The following ZFHX3 variants were observed in gnomAD, a reference collection of about 807,000 sequenced individuals.
The protein encoded by ZFHX3 is zinc finger homeobox 3, also known as zinc finger homeobox protein 3.
In ZFHX3, 42 loss-of-function variants were observed where a neutral mutation model predicts 279.1. The ratio of observed to expected loss-of-function variants is 0.15; its 90% CI spans 0.12 to 0.19. The LOEUF is 0.19. Among genes scored for constraint, ZFHX3 ranks in the 10% least tolerant of loss-of-function variants. ZFHX3 has a pLI of 1.00. For synonymous variants in ZFHX3, 2,293 were observed against 1,957.8 expected (o/e 1.17, Z -4.52); for missense variants, 4,981 against 4,754.0 (o/e 1.05, Z -1.40).
intron 1 of ZFHX3, among the ~76,000 whole-genome samples, chr16:73,019,908 C>T (rs1270718693): frequency 6.6e-6 from 1 of 152,178 alleles, no homozygotes; most frequent in Non-Finnish European, 1.5e-5. Flanking sequence ...TGGGCATAAA[C>T]ACGTTTTTAA....
At chr16:73,871,351 A>G in intron 1 of ZFHX3, among the ~76,000 whole-genome samples, 1 of 152,186 alleles carries the variant, frequency 6.6e-6, no homozygotes, top group African/African-American at 2.4e-5. Flanking sequence ...CCGCAAGAAA[A>G]CTTTAATAAC....
intron 4 of ZFHX3, among the ~76,000 whole-genome samples, chr16:72,877,750 G>C (rs746386995): frequency 6.6e-6 from 1 of 152,198 alleles, no homozygotes; most frequent in Non-Finnish European, 1.5e-5. Flanking sequence ...AAGCACGTGC[G>C]TGGATTCTTC....
rs768406499 is a variant in ZFHX3, at chr16:72,788,177, A to AC, written c.10098_10099insG (p.Tyr3367ValfsTer64). ...ATTGCCTCCTGCAGACTCTGCTGGT[A>AC]TTGCTGGTACTGCTGCAGTAGGGAG... On this transcript the variant is annotated frameshift_variant, in exon 10 of 10. Coordinates refer to ENST00000268489, the MANE Select transcript of ZFHX3 (RefSeq NM_006885.4). LOFTEE classifies it high-confidence loss of function. 4 of 1,612,022 alleles carry AC rather than the reference A, an allele frequency of 2.5e-6. No homozygotes were observed. The South Asian group carries it at 4.4e-5, about 18-fold the overall frequency.
chr16:73,410,499 G>T (rs902171549), intron 3 of ZFHX3, among the ~76,000 whole-genome samples: 3 of 152,214 alleles, frequency 2.0e-5, no homozygotes, highest in African/African-American at 7.2e-5. Context: ...AATGCATGAG[G>T]TGATGGGTAC....
intron 1 of ZFHX3, among the ~76,000 whole-genome samples, chr16:73,780,773 C>T (rs1189213359): frequency 6.6e-6 from 1 of 152,182 alleles, no homozygotes; most frequent in African/African-American, 2.4e-5. Flanking sequence ...GCAGACTCAT[C>T]ATTCTCTGTT....
chr16:72,896,516 C>CA (rs1653111890), intron 3 of ZFHX3, among the ~76,000 whole-genome samples: 2 of 152,192 alleles, frequency 1.3e-5, no homozygotes, highest in Admixed American at 1.3e-4. Context: ...AGGGAGACAA[C>CA]AGAGGCTCCG....
chr16:73,490,653 T>C (rs1300965639), intron 2 of ZFHX3, among the ~76,000 whole-genome samples: 1 of 151,878 alleles, frequency 6.6e-6, no homozygotes, highest in African/African-American at 2.4e-5. Flanking sequence ...GCCTGGGAAA[T>C]ATGGAAAAGC....
intron 1 of ZFHX3, among the ~76,000 whole-genome samples, chr16:73,695,263 G>T (rs1316860867): frequency 6.7e-6 from 1 of 149,612 alleles, no homozygotes; most frequent in Non-Finnish European, 1.5e-5. Context: ...TTGAGATGGG[G>T]TCTTCCTCTG....
At chr16:73,703,865 T>C (rs7200284) in intron 1 of ZFHX3, among the ~76,000 whole-genome samples, 1 of 152,022 alleles carries the variant, frequency 6.6e-6, no homozygotes, top group Non-Finnish European at 1.5e-5. Context: ...CCTGCTGAGT[T>C]TGTTAAAAGT....
intron 7 of ZFHX3, chr16:72,806,047 T>C (rs1019128678): frequency 1.3e-5 from 2 of 152,192 alleles, no homozygotes; most frequent in African/African-American, 4.8e-5. Context: ...ACACCACCAC[T>C]CTCAGCAATT....
chr16:73,670,037 C>T (rs923934191), intron 2 of ZFHX3, among the ~76,000 whole-genome samples: 3 of 152,078 alleles, frequency 2.0e-5, no homozygotes, highest in Admixed American at 6.6e-5. Context: ...GCAGCGACAC[C>T]AGGAAGGATA....
At chr16:72,854,934 T>TG (rs1407142094) in intron 4 of ZFHX3, among the ~76,000 whole-genome samples, 74 of 6,990 alleles carry the variant, frequency 0.011, no homozygotes, top group Non-Finnish European at 0.015. Flanking sequence ...CACAAATTGG[T>TG]GGGTGGGGGG....
intron 1 of ZFHX3, among the ~76,000 whole-genome samples, chr16:72,964,683 AG>A (rs1164359941): frequency 7.0e-6 from 1 of 141,932 alleles, no homozygotes; most frequent in Non-Finnish European, 1.5e-5. Flanking sequence ...AAAAAAAAAA[AG>A]GAAAAAAATT....
chr16:73,656,539 A>G (rs2052722668), intron 2 of ZFHX3, among the ~76,000 whole-genome samples: 1 of 152,208 alleles, frequency 6.6e-6, no homozygotes. Flanking sequence ...GGAGCTAACA[A>G]TGACATTCCT....
At chr16:73,552,691 A>G (rs1596994159) in intron 2 of ZFHX3, among the ~76,000 whole-genome samples, 1 of 151,664 alleles carries the variant, frequency 6.6e-6, no homozygotes. Context: ...CTCAGAGGAC[A>G]TGAGTGTAAA....
At chr16:72,939,754 G>A (rs971351319) in intron 3 of ZFHX3, among the ~76,000 whole-genome samples, 4 of 152,176 alleles carry the variant, frequency 2.6e-5, no homozygotes, top group African/African-American at 9.7e-5. Context: ...CGGGTATGGT[G>A]GCAGGCGCCT....
At chr16:73,730,288 T>C (rs919284282) in intron 1 of ZFHX3, among the ~76,000 whole-genome samples, 1 of 145,068 alleles carries the variant, frequency 6.9e-6, no homozygotes, top group African/African-American at 2.6e-5. Context: ...GGTTTTTTTA[T>C]GGCTCAAATT....
At chr16:73,514,794 G>A (rs954121323) in intron 2 of ZFHX3, among the ~76,000 whole-genome samples, 1 of 152,088 alleles carries the variant, frequency 6.6e-6, no homozygotes, top group African/African-American at 2.4e-5. Flanking sequence ...GGTGAGGGGT[G>A]GGTGGGCCGC....
chr16:72,786,934 CT>C lies in ZFHX3; in HGVS notation c.*229del, dbSNP rs373880184. 0.16 allele frequency: 33,153 copies of C among 206,372 alleles called. 72 individuals are homozygous for C. The highest frequency in any genetic ancestry group is 0.24 in the Middle Eastern group (156 of 652). The allele number at this position is 206,372 out of a possible 1,614,324, so 12.8% of individuals were successfully genotyped here. A position where few individuals can be genotyped will look rare whatever the true frequency, so the allele number is the denominator to read the frequency against. ...AGGACACAATGTAACAGGGTTAGGG[CT>C]TTTTTTTTTTTTTTAATATTAAAAG... On this transcript the variant is annotated 3_prime_UTR_variant, in exon 10 of 10. Transcript: ENST00000268489.
Sources: allele counts gnomAD v4.1 joint callset (sites outside exome capture counted in the v4.1 genomes callset), GRCh38; gene constraint gnomAD v4.1.1; transcripts MANE v1.5; gene names NCBI Gene and HGNC (gene_info 2026-07-23, HGNC 2026-07-21).